Variants in PAPSS2 observed in about 807,000 individuals in gnomAD.
PAPSS2 encodes bifunctional 3'-phosphoadenosine 5'-phosphosulfate synthase 2.
PAPSS2 carries 61 observed loss-of-function variants against 66.5 expected under a neutral mutation model. That is an observed-to-expected ratio of 0.92 (90% CI 0.75 to 1.14). PAPSS2 has a LOEUF of 1.14. PAPSS2 is among the 50% of genes most tolerant of loss of function. The probability of loss-of-function intolerance (pLI) is 0.00; values close to 1 mark genes in which losing one functional copy is unlikely to be tolerated. For missense variants in PAPSS2, 708 were observed against 789.6 expected, an observed-to-expected ratio of 0.90 and a Z score of 1.24; for synonymous variants, 289 against 287.5, an observed-to-expected ratio of 1.01 and a Z score of -0.05.
chr10:87,697,838 AC>A (rs3837326), intron 1 of PAPSS2, among the ~76,000 whole-genome samples: 26,893 of 152,094 alleles, frequency 0.18, 2,669 homozygotes, highest in East Asian at 0.36. Flanking sequence ...CACTGCACAG[AC>A]CTCTGGATTG....
intron 1 of PAPSS2, among the ~76,000 whole-genome samples, chr10:87,667,473 A>C (rs1852828506): frequency 6.6e-6 from 1 of 152,164 alleles, no homozygotes; most frequent in Non-Finnish European, 1.5e-5. Flanking sequence ...CAAAACAAAC[A>C]AACAATAAAT....
chr10:87,681,844 A>G (rs1853025520), intron 1 of PAPSS2, among the ~76,000 whole-genome samples: 1 of 152,186 alleles, frequency 6.6e-6, no homozygotes, highest in Non-Finnish European at 1.5e-5. Flanking sequence ...TAATGTTTTA[A>G]GATTCATTCA....
In PAPSS2 at chr10:87,678,371, A is replaced by G. The variant is rs531754982; in HGVS notation, c.27+18363A>G. 5.9e-5 allele frequency among the ~76,000 whole-genome samples: 9 copies of G among 152,310 alleles called. No homozygotes were observed. The South Asian group carries it at 1.5e-3, about 25-fold the overall frequency. ...AAGAAAACACAGGGAAAACACTTCA[A>G]GATATTGGTCTAGGCAAATATTTTA... On this transcript the variant is annotated intron_variant, in intron 1 of 12. Coordinates refer to ENST00000456849, the MANE Select transcript of PAPSS2 (RefSeq NM_001015880.2).
intron 7 of PAPSS2, among the ~76,000 whole-genome samples, chr10:87,716,513 T>C (rs1274057320): frequency 6.6e-6 from 1 of 152,166 alleles, no homozygotes; most frequent in African/African-American, 2.4e-5. Context: ...AATAAACTTA[T>C]CTATTTCAAG....
At chr10:87,708,636 A>G (rs1297481747) in intron 1 of PAPSS2, among the ~76,000 whole-genome samples, 1 of 152,230 alleles carries the variant, frequency 6.6e-6, no homozygotes, top group Non-Finnish European at 1.5e-5. Context: ...TTAAAAGGTC[A>G]TGCAACCAGA....
chr10:87,673,913 C>T (rs1033608751), intron 1 of PAPSS2, among the ~76,000 whole-genome samples: 6 of 151,906 alleles, frequency 3.9e-5, no homozygotes, highest in African/African-American at 1.5e-4. Flanking sequence ...TAGAAGGTCC[C>T]AGAGCTCTCC....
At chr10:87,685,828 T>C (rs2131908431) in intron 1 of PAPSS2, among the ~76,000 whole-genome samples, 1 of 152,312 alleles carries the variant, frequency 6.6e-6, no homozygotes, top group East Asian at 1.9e-4. Context: ...AGTTCTTGGC[T>C]TCTCCTTGGC....
intron 7 of PAPSS2, among the ~76,000 whole-genome samples, chr10:87,720,095 A>C (rs1028777517): frequency 6.6e-6 from 1 of 152,178 alleles, no homozygotes; most frequent in Non-Finnish European, 1.5e-5. Context: ...CATATTGGCC[A>C]GGCTGGTCTT....
intron 1 of PAPSS2, among the ~76,000 whole-genome samples, chr10:87,665,454 G>A (rs1852804251): frequency 6.6e-6 from 1 of 152,168 alleles, no homozygotes; most frequent in South Asian, 2.1e-4. Flanking sequence ...CTCGTGATCT[G>A]CCCGCCTCGG....
chr10:87,746,101 C>G lies in PAPSS2; in HGVS notation c.*131C>G. 1.3e-6 allele frequency: 1 copy of G among 777,394 alleles called. No individual in the cohort carries two copies. The highest frequency in any genetic ancestry group is 1.8e-5 in the South Asian group (1 of 55,338). The allele number at this position is 777,394 out of a possible 1,614,324, so 48.2% of individuals were successfully genotyped here. On this transcript the variant is annotated 3_prime_UTR_variant, in exon 13 of 13. Transcript: ENST00000456849. Reference sequence around the variant, plus strand: ...TTTTATAATGAAGTAAAAGTTGTGTCTATAATTAAAAAAAAATATATATAT... The same window carrying G: ...TTTTATAATGAAGTAAAAGTTGTGTGTATAATTAAAAAAAAATATATATAT...
intron 1 of PAPSS2, among the ~76,000 whole-genome samples, chr10:87,670,269 A>G (rs1396904243): frequency 1.3e-5 from 2 of 152,226 alleles, no homozygotes; most frequent in Non-Finnish European, 2.9e-5. Flanking sequence ...TGTAATATTA[A>G]TATGATTTGT....
chr10:87,688,990 C>T (rs11202509), intron 1 of PAPSS2, among the ~76,000 whole-genome samples: 2 of 151,870 alleles, frequency 1.3e-5, no homozygotes, highest in East Asian at 3.9e-4. Flanking sequence ...TGGAAAGCAA[C>T]TCCATAAACA....
At chr10:87,695,335 C>A (rs1470184691) in intron 1 of PAPSS2, among the ~76,000 whole-genome samples, 2 of 152,218 alleles carry the variant, frequency 1.3e-5, no homozygotes, top group African/African-American at 4.8e-5. Context: ...GATCTAATTA[C>A]CTGCCAAAGG....
intron 1 of PAPSS2, among the ~76,000 whole-genome samples, chr10:87,702,885 C>T (rs181980370): frequency 1.1e-3 from 171 of 152,272 alleles, no homozygotes; most frequent in African/African-American, 4.0e-3. Flanking sequence ...CCCGCCCCAC[C>T]ATGAAACCAT....
Position 87,726,304 on chromosome 10 carries a change from C to G in PAPSS2, c.881-980C>G, listed in dbSNP as rs545183867. On this transcript the variant is annotated intron_variant, in intron 8 of 12. Coordinates refer to ENST00000456849, the MANE Select transcript of PAPSS2 (RefSeq NM_001015880.2). Reference sequence around the variant, plus strand: ...AATTAGCTGGGAGTGGTGGCACATGCCTGTAATCCCAGCTACTCCGGAGGC... The same window carrying G: ...AATTAGCTGGGAGTGGTGGCACATGGCTGTAATCCCAGCTACTCCGGAGGC... Among the ~76,000 whole-genome samples the G allele has an allele frequency of 2.1e-3, 325 of 152,268 alleles. 1 individual carries two copies. The highest frequency in any genetic ancestry group is 7.3e-3 in the African/African-American group (305 of 41,546).
chr10:87,670,950 C>T (rs1452830799), intron 1 of PAPSS2, among the ~76,000 whole-genome samples: 1 of 152,168 alleles, frequency 6.6e-6, no homozygotes, highest in Non-Finnish European at 1.5e-5. Context: ...TTCAGGAAGG[C>T]ACCTTGTGTA....
At position 87,715,790 on chromosome 10, in the gene PAPSS2, T is replaced by C; in HGVS notation, c.812T>C (p.Phe271Ser). The part of the protein sequence containing the change: ...SEGWATPLKG[F>S]MREKEYLQVM... ...GGCTGGGCCACTCCCCTCAAAGGTT[T>C]CATGCGGGAGAAGGAGTACTTACAG... The change falls in exon 7 of 13, where the codon TTC (phenylalanine) becomes TCC (serine). Residue 271 changes from phenylalanine (F) to serine (S), a missense_variant. Physicochemically the swap from Phe to Ser is radical, Grantham distance 155 (BLOSUM62 -2). Coordinates refer to ENST00000456849, the MANE Select transcript of PAPSS2 (RefSeq NM_001015880.2). The C allele has an allele frequency of 1.9e-6, 3 of 1,613,878 alleles. No homozygotes were observed. The highest frequency in any genetic ancestry group is 2.5e-6 in the Non-Finnish European group (3 of 1,179,754).
chr10:87,665,722 C>G (rs1852808104), intron 1 of PAPSS2, among the ~76,000 whole-genome samples: 1 of 151,982 alleles, frequency 6.6e-6, no homozygotes, highest in African/African-American at 2.4e-5. Context: ...TTTAGGAGCC[C>G]AGCTTAACTT....
chr10:87,718,452 G>A (rs1462432433), intron 7 of PAPSS2, among the ~76,000 whole-genome samples: 1 of 152,182 alleles, frequency 6.6e-6, no homozygotes, highest in Admixed American at 6.5e-5. Flanking sequence ...CCAGCCTGGG[G>A]ATATGAATGA....
Sources: allele counts gnomAD v4.1 joint callset (sites outside exome capture counted in the v4.1 genomes callset), GRCh38; gene constraint gnomAD v4.1.1; transcripts MANE v1.5; gene names NCBI Gene and HGNC (gene_info 2026-07-23, HGNC 2026-07-21).